NGLY1: variants seen among roughly 807,000 people sequenced by gnomAD.
NGLY1 encodes the protein N-glycanase 1.
A neutral mutation model predicts 84.6 loss-of-function variants in NGLY1; 68 were observed. That is an observed-to-expected ratio of 0.80 (90% CI 0.66 to 0.98). The LOEUF is 0.98. NGLY1 is among the 50% of genes least tolerant of loss of function. The pLI is 0.00. For synonymous variants in NGLY1, 280 were observed against 275.2 expected (o/e 1.02, Z -0.17); for missense variants, 779 against 770.2 (o/e 1.01, Z -0.14).
Position 25,737,454 on chromosome 3 carries a change from AT to A in NGLY1, c.882del (p.Arg294SerfsTer30). 1 of 1,594,944 alleles carries A rather than the reference AT, an allele frequency of 6.3e-7. No individual in the cohort carries two copies. The highest frequency in any genetic ancestry group is 8.5e-7 in the Non-Finnish European group (1 of 1,170,968). On this transcript the variant is annotated frameshift_variant and splice_region_variant, in exon 6 of 12. Transcript: ENST00000280700. LOFTEE classifies it high-confidence loss of function. ...TCCAAAAGTTTCTCAGGGTTATTATATCTGGTTTAAAAAGAAAAAAAACCTT... is the reference window on the plus strand; with the variant it reads ...TCCAAAAGTTTCTCAGGGTTATTATACTGGTTTAAAAAGAAAAAAAACCTT... ...DACQFSNRFP[R>X]YNNPEKLLET... is the part of the protein sequence containing the mutation.
intron 4 of NGLY1, chr3:25,749,482 G>A (rs571364961): frequency 2.8e-5 from 42 of 1,509,052 alleles, no homozygotes; most frequent in Non-Finnish European, 3.2e-5. Context: ...TCTCCTCTTC[G>A]GCCTCATGGC....
intron 1 of NGLY1, among the ~76,000 whole-genome samples, chr3:25,779,266 G>A (rs1708302213): frequency 6.6e-6 from 1 of 151,990 alleles, no homozygotes; most frequent in Admixed American, 6.6e-5. Flanking sequence ...CAGACAGTAT[G>A]GCAATAAAAG....
rs1708517335 is a variant in NGLY1 at position 25,783,414 on chromosome 3, C to T, written c.-24G>A. 1 of 1,519,510 alleles carries T rather than the reference C, an allele frequency of 6.6e-7. No individual in the cohort carries two copies. The highest frequency in any genetic ancestry group is 8.8e-7 in the Non-Finnish European group (1 of 1,134,926). The allele number at this position is 1,519,510 out of a possible 1,614,324, so 94.1% of individuals were successfully genotyped here. On this transcript the variant is annotated 5_prime_UTR_variant, in exon 1 of 12. Coordinates refer to ENST00000280700, the MANE Select transcript of NGLY1 (RefSeq NM_018297.4). The surrounding 1 kb of genome is among the most constrained non-coding windows in gnomAD (Gnocchi z 4.5). The stretch of plus-strand genomic sequence containing the variant: ...ATGCTTGAGCGCCAGCGGGCGCCGC[C>T]GCCGCCCCTCGCTCTCCGCGTCCCA...
chr3:25,787,025 C>T (rs952134414), upstream of NGLY1, among the ~76,000 whole-genome samples: 1 of 152,226 alleles, frequency 6.6e-6, no homozygotes, highest in African/African-American at 2.4e-5. Context: ...GCAACAGCAG[C>T]ATCAGCAGGA....
chr3:25,763,160 A>C (rs1302575167), intron 3 of NGLY1, among the ~76,000 whole-genome samples: 1 of 152,168 alleles, frequency 6.6e-6, no homozygotes, highest in African/African-American at 2.4e-5. Context: ...AAGAAGTTTA[A>C]ACAAGATTAA....
In NGLY1 at chr3:25,719,421, T is replaced by C; in HGVS notation, c.*39A>G. ...TGAACCAACAGACTACTTCAGTAAG[T>C]CCTTGATTATTGCCAGCTTTTCTAT... On this transcript the variant is annotated 3_prime_UTR_variant, in exon 12 of 12. Transcript: ENST00000280700. 1 of 1,587,168 alleles carries C rather than the reference T, an allele frequency of 6.3e-7. No homozygotes were observed. The highest frequency in any genetic ancestry group is 8.6e-7 in the Non-Finnish European group (1 of 1,158,260).
At chr3:25,767,434 A>C (rs989549469) in intron 2 of NGLY1, among the ~76,000 whole-genome samples, 4 of 152,200 alleles carry the variant, frequency 2.6e-5, no homozygotes, top group Non-Finnish European at 5.9e-5. Flanking sequence ...TCGTCCAGTC[A>C]ATAAAACAAC....
intron 7 of NGLY1, 150 bp from the exon 8 acceptor site, chr3:25,734,132 T>A: frequency 9.8e-7 from 1 of 1,024,784 alleles, no homozygotes; most frequent in South Asian, 1.8e-5. Flanking sequence ...AGTGGCGTGA[T>A]CTCAGCTCAC....
At position 25,732,402 on chromosome 3, in the gene NGLY1, TG is replaced by T; in HGVS notation, c.1341del (p.Thr449ProfsTer19). 6.2e-7 allele frequency: 1 copy of T among 1,613,784 alleles called. No individual in the cohort carries two copies. Among genetic ancestry groups the T allele is most frequent in the East Asian group, 2.2e-5 (1 of 44,852 alleles). ...CCAAGTTCTCCAGGTTTAGGGGTTT[TG>T]GGAGATATAAATTCAACAAGCTCCA... ...IIVELVEFIS[P>X]KTPKPGELGG... is the part of the protein sequence containing the mutation. On this transcript the variant is annotated frameshift_variant, in exon 9 of 12. Transcript: ENST00000280700. LOFTEE classifies it high-confidence loss of function.
intron 2 of NGLY1, among the ~76,000 whole-genome samples, chr3:25,772,471 T>C (rs1559556714): frequency 6.6e-6 from 1 of 152,220 alleles, no homozygotes; most frequent in Non-Finnish European, 1.5e-5. Context: ...CTGCTGGCTT[T>C]TGGTTTTCAT....
At chr3:25,767,707 A>C in intron 2 of NGLY1, among the ~76,000 whole-genome samples, 1 of 152,232 alleles carries the variant, frequency 6.6e-6, no homozygotes, top group Non-Finnish European at 1.5e-5. Flanking sequence ...GATAGGTCTT[A>C]GGTTCATACT....
At chr3:25,745,705 G>T (rs1706387423) in intron 4 of NGLY1, among the ~76,000 whole-genome samples, 1 of 151,978 alleles carries the variant, frequency 6.6e-6, no homozygotes. Context: ...ATGTAAATTA[G>T]ATTACTATTG....
chr3:25,723,747 T>TA (rs1407574756), intron 10 of NGLY1, among the ~76,000 whole-genome samples: 1 of 152,246 alleles, frequency 6.6e-6, no homozygotes, highest in East Asian at 1.9e-4. Context: ...CTGTTGGCTT[T>TA]AAAAAATTTT....
rs544926931 is a variant in NGLY1, at chr3:25,772,116, GGGAAT to G, written c.246+6453_246+6457del. Among the ~76,000 whole-genome samples the G allele has an allele frequency of 3.0e-3, 457 of 152,250 alleles. 7 individuals are homozygous for G. Among genetic ancestry groups the G allele is most frequent in the Non-Finnish European group, 1.0e-3 (69 of 68,018 alleles). On this transcript the variant is annotated intron_variant, in intron 2 of 11. Transcript: ENST00000280700. ...ATCCTTGTCTTGTTCTGGTTCTTGG[GGGAAT>G]GCTTTCTACTTTTCCCTGTTCAGTG...
At chr3:25,784,911 A>G (rs1178888045), upstream of NGLY1, among the ~76,000 whole-genome samples, 2 of 152,186 alleles carry the variant, frequency 1.3e-5, no homozygotes, top group East Asian at 3.8e-4. Context: ...TGCAGGTGTC[A>G]TAATGTCAGT....
intron 5 of NGLY1, among the ~76,000 whole-genome samples, chr3:25,738,144 A>T (rs1705936400): frequency 6.6e-6 from 1 of 152,240 alleles, no homozygotes; most frequent in African/African-American, 2.4e-5. Context: ...AATTTGCCTA[A>T]AGCATTAGCA....
At chr3:25,752,889 C>A (rs1356620670) in intron 3 of NGLY1, among the ~76,000 whole-genome samples, 2 of 151,612 alleles carry the variant, frequency 1.3e-5, no homozygotes, top group Non-Finnish European at 2.9e-5. Context: ...ATAAACATGG[C>A]TAAAGAGTGA....
upstream of NGLY1, among the ~76,000 whole-genome samples, chr3:25,788,297 G>C (rs1268883216): frequency 6.6e-6 from 1 of 152,182 alleles, no homozygotes; most frequent in African/African-American, 2.4e-5. Flanking sequence ...TAGAGAATGG[G>C]AGCCATAATT....
chr3:25,753,745 A>G (rs1206531980), intron 3 of NGLY1, among the ~76,000 whole-genome samples: 1 of 152,150 alleles, frequency 6.6e-6, no homozygotes, highest in East Asian at 1.9e-4. Context: ...TAAACAAAAC[A>G]GGGAGAAAAG....
Sources: gnomAD v4.1 joint callset for allele counts (sites outside exome capture counted in the v4.1 genomes callset) on GRCh38, gnomAD v4.1.1 for gene constraint, Gnocchi (gnomAD v3.1) non-coding constraint, MANE v1.5 for transcripts, NCBI Gene and HGNC (gene_info 2026-07-23, HGNC 2026-07-21) for gene names.